Variants in ADAMTS2 observed in about 807,000 individuals in gnomAD.
The protein encoded by ADAMTS2 is A disintegrin and metalloproteinase with thrombospondin motifs 2.
A neutral mutation model predicts 123.0 loss-of-function variants in ADAMTS2; 50 were observed. The observed-to-expected ratio is 0.41, with a 90% CI of 0.32 to 0.51. The LOEUF (loss-of-function observed/expected upper bound fraction) is 0.51. Ranked by LOEUF, ADAMTS2 falls within the 20% of genes least tolerant of loss-of-function variation. ADAMTS2 has a pLI of 0.35. For synonymous variants in ADAMTS2, 678 were observed against 695.4 expected (o/e 0.98, Z 0.39); for missense variants, 1,494 against 1,705.2 (o/e 0.88, Z 2.18).
At position 179,158,201 on chromosome 5, in the gene ADAMTS2, G is replaced by A. The variant is rs542266176; in HGVS notation, c.1132+522C>T. ...AAGATGGTCTCGATCTCCTGACCTCGTGATCTACCTGCCTCCGACTCCCAA... is the reference window on the plus strand; with the variant it reads ...AAGATGGTCTCGATCTCCTGACCTCATGATCTACCTGCCTCCGACTCCCAA... On this transcript the variant is annotated intron_variant, in intron 6 of 21. Transcript: ENST00000251582. This position sits in a 1 kb window ranked among gnomAD's most constrained non-coding sequence, Gnocchi z 5.0. 1.3e-5 allele frequency among the ~76,000 whole-genome samples: 2 copies of A among 152,198 alleles called. No individual in the cohort carries two copies. The highest frequency in any genetic ancestry group is 6.5e-5 in the Admixed American group (1 of 15,274).
chr5:179,344,789 C>A (rs1757892895), intron 1 of ADAMTS2, among the ~76,000 whole-genome samples: 1 of 152,194 alleles, frequency 6.6e-6, no homozygotes, highest in Non-Finnish European at 1.5e-5. Flanking sequence ...GCGCCCCAAC[C>A]AATCCTTAGG....
chr5:179,172,762 CT>C (rs538402103), intron 5 of ADAMTS2, among the ~76,000 whole-genome samples: 3 of 152,228 alleles, frequency 2.0e-5, no homozygotes, highest in Non-Finnish European at 4.4e-5. Flanking sequence ...TGACAGAGCC[CT>C]GTGGCATGCC....
chr5:179,331,810 C>T (rs1360863347), intron 2 of ADAMTS2, among the ~76,000 whole-genome samples: 1 of 152,198 alleles, frequency 6.6e-6, no homozygotes, highest in Non-Finnish European at 1.5e-5. Context: ...TTTTCACTCA[C>T]AATGCTTCTG....
chr5:179,149,468 C>T (rs770962818), intron 10 of ADAMTS2, among the ~76,000 whole-genome samples: 1 of 152,098 alleles, frequency 6.6e-6, no homozygotes, highest in Non-Finnish European at 1.5e-5. Flanking sequence ...GTCCTGGCAC[C>T]GTGGAAGGCT....
chr5:179,341,511 T>G (rs1757772566), intron 2 of ADAMTS2, among the ~76,000 whole-genome samples: 1 of 151,418 alleles, frequency 6.6e-6, no homozygotes, highest in Non-Finnish European at 1.5e-5. Context: ...CCACCCTGGC[T>G]AACACGGTGA....
At chr5:179,264,634 G>T (rs1766315223) in intron 3 of ADAMTS2, among the ~76,000 whole-genome samples, 1 of 152,234 alleles carries the variant, frequency 6.6e-6, no homozygotes. Flanking sequence ...AGATCCAAGG[G>T]AAGGAAAGAA....
rs187527756 is a variant in ADAMTS2 at position 179,328,277 on chromosome 5, C to T, written c.534+15490G>A. On this transcript the variant is annotated intron_variant, in intron 2 of 21. Transcript: ENST00000251582. ...TCGATTTCCTGACCTCGTGATCCAC[C>T]CGCCTCGGCCTCCCAAAGTGCTGGG... Among the ~76,000 whole-genome samples, 604 of 152,366 alleles carry T rather than the reference C, an allele frequency of 4.0e-3. 3 individuals are homozygous for T. The highest frequency in any genetic ancestry group is 0.014 in the African/African-American group (574 of 41,586).
chr5:179,196,812 T>C, intron 4 of ADAMTS2, among the ~76,000 whole-genome samples: 1 of 152,266 alleles, frequency 6.6e-6, no homozygotes, highest in East Asian at 1.9e-4. Flanking sequence ...ATATGGTTTC[T>C]GTTGCAACTA....
In ADAMTS2 at chr5:179,262,913, C is replaced by T. The variant is rs1427601280; in HGVS notation, c.688+9998G>A. On this transcript the variant is annotated intron_variant, in intron 3 of 21. Coordinates refer to ENST00000251582, the MANE Select transcript of ADAMTS2 (RefSeq NM_014244.5). The surrounding 1 kb of genome is among the most constrained non-coding windows in gnomAD (Gnocchi z 5.9). Reference sequence around the variant, plus strand: ...CGTGACGAGTGAATGCAGGAAAATACACTTGTGGCAGCAGGCAAGGTGCCC... The same window carrying T: ...CGTGACGAGTGAATGCAGGAAAATATACTTGTGGCAGCAGGCAAGGTGCCC... Among the ~76,000 whole-genome samples the T allele has an allele frequency of 1.3e-5, 2 of 152,250 alleles. No homozygotes were observed. Among genetic ancestry groups the T allele is most frequent in the African/African-American group, 2.4e-5 (1 of 41,462 alleles).
intron 2 of ADAMTS2, among the ~76,000 whole-genome samples, chr5:179,283,030 G>A (rs1485925631): frequency 2.0e-5 from 3 of 152,064 alleles, no homozygotes; most frequent in Admixed American, 6.5e-5. Flanking sequence ...GCCCTCGAGA[G>A]CGTCTGTCTC....
In ADAMTS2 at chr5:179,158,416, T is replaced by C. The variant is rs528477094; in HGVS notation, c.1132+307A>G. Among the ~76,000 whole-genome samples, 166 of 152,344 alleles carry C rather than the reference T, an allele frequency of 1.1e-3. No homozygotes were observed. The highest frequency in any genetic ancestry group is 3.8e-3 in the African/African-American group (156 of 41,576). On this transcript the variant is annotated intron_variant, in intron 6 of 21. Coordinates refer to ENST00000251582, the MANE Select transcript of ADAMTS2 (RefSeq NM_014244.5). The surrounding 1 kb of genome is among the most constrained non-coding windows in gnomAD (Gnocchi z 5.0). The stretch of plus-strand genomic sequence containing the variant: ...ATAGAGTGAGTGGAGGTGACAGGCC[T>C]CCTTTCTTTCCAAATTGGCCCCACA...
chr5:179,276,292 G>C (rs1766693606), intron 2 of ADAMTS2, among the ~76,000 whole-genome samples: 1 of 152,192 alleles, frequency 6.6e-6, no homozygotes, highest in South Asian at 2.1e-4. Context: ...GGAGGGTCCA[G>C]CACTGATGGT....
intron 4 of ADAMTS2, among the ~76,000 whole-genome samples, chr5:179,182,629 G>A (rs1242941350): frequency 6.6e-6 from 1 of 152,168 alleles, no homozygotes; most frequent in Non-Finnish European, 1.5e-5. Context: ...TTCATGACAT[G>A]TGGACCCTGC....
intron 3 of ADAMTS2, among the ~76,000 whole-genome samples, chr5:179,251,842 T>G (rs909822574): frequency 3.3e-5 from 5 of 151,980 alleles, no homozygotes; most frequent in African/African-American, 1.2e-4. Flanking sequence ...AAATTCAGAT[T>G]ACTGACACTT....
intron 2 of ADAMTS2, among the ~76,000 whole-genome samples, chr5:179,309,914 G>A (rs543186116): frequency 6.6e-6 from 1 of 152,304 alleles, no homozygotes; most frequent in East Asian, 1.9e-4. Flanking sequence ...GCAGGACCCT[G>A]GACCCAGCAG....
At chr5:179,192,065 G>T (rs1764318031) in intron 4 of ADAMTS2, among the ~76,000 whole-genome samples, 1 of 152,150 alleles carries the variant, frequency 6.6e-6, no homozygotes, top group Admixed American at 6.5e-5. Flanking sequence ...AGCTGAGGAG[G>T]ACTCAGGCCA....
chr5:179,188,784 C>T lies in ADAMTS2; in HGVS notation c.892-7629G>A, dbSNP rs2071334684. 6.6e-6 allele frequency among the ~76,000 whole-genome samples: 1 copy of T among 152,182 alleles called. No individual in the cohort carries two copies. Among genetic ancestry groups the T allele is most frequent in the Admixed American group, 6.5e-5 (1 of 15,288 alleles). On this transcript the variant is annotated intron_variant, in intron 4 of 21. Coordinates refer to ENST00000251582, the MANE Select transcript of ADAMTS2 (RefSeq NM_014244.5). This position sits in a 1 kb window ranked among gnomAD's most constrained non-coding sequence, Gnocchi z 5.1. ...TCTGCTGATACCTCTGCAGATGCCT[C>T]AGGGTGGGGACGGGGCTCCTCCACT...
In ADAMTS2 at chr5:179,195,076, A is replaced by T. The variant is rs539889345; in HGVS notation, c.891+12437T>A. ...CTTGTCCGAGGAGCCTTCCCTGACC[A>T]GCCGCCCCAGGCACCCTTCCCTGAT... On this transcript the variant is annotated intron_variant, in intron 4 of 21. Transcript: ENST00000251582. Among the ~76,000 whole-genome samples the T allele has an allele frequency of 7.2e-5, 11 of 152,264 alleles. No individual in the cohort carries two copies. In the South Asian group the frequency reaches 2.3e-3, roughly 32 times the overall value.
chr5:179,345,200 G>C lies in ADAMTS2; in HGVS notation c.129C>G (p.Ala43=), dbSNP rs758316365. 6.3e-6 allele frequency: 7 copies of C among 1,108,868 alleles called. No homozygotes were observed. Among genetic ancestry groups the C allele is most frequent in the Non-Finnish European group, 7.7e-6 (7 of 914,998 alleles). The allele number at this position is 1,108,868 out of a possible 1,614,324, so 68.7% of individuals were successfully genotyped here. A position where few individuals can be genotyped will look rare whatever the true frequency, so the allele number is the denominator to read the frequency against. The change falls in exon 1 of 22, where the codon GCC becomes GCG. Residue 43 remains alanine (A), a synonymous_variant. Coordinates refer to ENST00000251582, the MANE Select transcript of ADAMTS2 (RefSeq NM_014244.5). The surrounding 1 kb of genome is among the most constrained non-coding windows in gnomAD (Gnocchi z 7.5). ...CCGGGCCGCACCTACCTGGGGGGTC[G>C]GCGGCGGCGGCGAGCCTGGCGTTCG... The part of the protein sequence containing the change: ...PPANARLAAA[A]DPPGGPLGHG...
Sources: allele counts gnomAD v4.1 joint callset (sites outside exome capture counted in the v4.1 genomes callset), GRCh38; gene constraint gnomAD v4.1.1; non-coding constraint Gnocchi (gnomAD v3.1); transcripts MANE v1.5; gene names NCBI Gene and HGNC (gene_info 2026-07-23, HGNC 2026-07-21).